The following PAPPA2 variants were observed in gnomAD, a reference collection of about 807,000 sequenced individuals.
PAPPA2 encodes pappalysin 2.
In PAPPA2, 86 loss-of-function variants were observed where a neutral mutation model predicts 176.4. The observed-to-expected ratio is 0.49, with a 90% confidence interval of 0.41 to 0.58. The LOEUF (loss-of-function observed/expected upper bound fraction) is 0.58. PAPPA2 is among the 20% of genes least tolerant of loss of function. The pLI is 0.00. For synonymous variants in PAPPA2, 809 were observed against 852.2 expected (o/e 0.95, Z 0.88); for missense variants, 2,073 against 2,256.9 (o/e 0.92, Z 1.65).
chr1:176,566,873 G>T (rs1372346753), intron 2 of PAPPA2, among the ~76,000 whole-genome samples: 1 of 152,058 alleles, frequency 6.6e-6, no homozygotes, highest in African/African-American at 2.4e-5. Flanking sequence ...CACTTTATTT[G>T]GTGTTTACTA....
chr1:176,548,753 A>C (rs1650773435), intron 1 of PAPPA2, among the ~76,000 whole-genome samples: 1 of 152,196 alleles, frequency 6.6e-6, no homozygotes, highest in Non-Finnish European at 1.5e-5. Context: ...TAATAGATTT[A>C]CATTGATGCT....
At chr1:176,633,311 A>G (rs1656463092) in intron 3 of PAPPA2, among the ~76,000 whole-genome samples, 1 of 152,314 alleles carries the variant, frequency 6.6e-6, no homozygotes, top group Non-Finnish European at 1.5e-5. Flanking sequence ...CTGAAGGATG[A>G]GGAGGTTAAG....
intron 20 of PAPPA2, among the ~76,000 whole-genome samples, chr1:176,796,447 C>T (rs1027269504): frequency 2.6e-5 from 4 of 152,154 alleles, no homozygotes; most frequent in African/African-American, 9.7e-5. Flanking sequence ...AATAACTACT[C>T]CCATTAAAAA....
At chr1:176,584,414 G>C (rs924176932) in intron 2 of PAPPA2, among the ~76,000 whole-genome samples, 1 of 148,058 alleles carries the variant, frequency 6.8e-6, no homozygotes, top group Non-Finnish European at 1.5e-5. Flanking sequence ...TTTTTTTTTA[G>C]TTTTTGACTT....
chr1:176,518,452 T>TAAA (rs368157026), intron 1 of PAPPA2, among the ~76,000 whole-genome samples: 1 of 121,740 alleles, frequency 8.2e-6, no homozygotes, highest in Admixed American at 8.7e-5. Context: ...GCTTGACAGG[T>TAAA]AAAAAAAAAA....
intron 6 of PAPPA2, among the ~76,000 whole-genome samples, chr1:176,695,438 T>C (rs1660329383): frequency 6.6e-6 from 1 of 152,200 alleles, no homozygotes; most frequent in Non-Finnish European, 1.5e-5. Flanking sequence ...CAGATTTTAA[T>C]TGTTTGTTGT....
At chr1:176,494,770 C>T (rs761080) in intron 1 of PAPPA2, among the ~76,000 whole-genome samples, 93,904 of 152,084 alleles carry the variant, frequency 0.62, 31,071 homozygotes, top group East Asian at 0.95. Context: ...ACCCAAAACA[C>T]AAATTAGAAG....
chr1:176,757,222 A>C (rs183509656), intron 14 of PAPPA2, among the ~76,000 whole-genome samples: 164 of 152,304 alleles, frequency 1.1e-3, no homozygotes, highest in Non-Finnish European at 1.0e-4. Flanking sequence ...GTATATACTC[A>C]GTAGTGGGAT....
intron 17 of PAPPA2, among the ~76,000 whole-genome samples, chr1:176,779,503 CACACACACACACACACAG>C (rs1664614355): frequency 6.7e-6 from 1 of 148,946 alleles, no homozygotes; most frequent in Non-Finnish European, 1.5e-5. Context: ...CACACACACA[CACACACACACACACACAG>C]AGAGAGAGAG....
intron 19 of PAPPA2, among the ~76,000 whole-genome samples, chr1:176,792,050 C>T (rs1665200190): frequency 1.3e-5 from 2 of 152,196 alleles, no homozygotes; most frequent in South Asian, 2.1e-4. Context: ...CTCCATTCTA[C>T]TTCATTCTCT....
intron 17 of PAPPA2, among the ~76,000 whole-genome samples, chr1:176,778,329 A>T (rs1385649641): frequency 6.6e-6 from 1 of 152,170 alleles, no homozygotes; most frequent in Non-Finnish European, 1.5e-5. Context: ...AAACAAAATA[A>T]TCAGCAAGAT....
At chr1:176,566,800 G>A (rs1419414600) in intron 2 of PAPPA2, among the ~76,000 whole-genome samples, 8 of 152,102 alleles carry the variant, frequency 5.3e-5, no homozygotes, top group Admixed American at 5.2e-4. Flanking sequence ...CTCAGAATGT[G>A]TGTGCCAGGA....
At chr1:176,472,692 T>G (rs2102467205) in intron 1 of PAPPA2, among the ~76,000 whole-genome samples, 1 of 152,302 alleles carries the variant, frequency 6.6e-6, no homozygotes, top group South Asian at 2.1e-4. Context: ...TATGAGCTCA[T>G]TTTGAAACTT....
At chr1:176,487,332 C>A (rs763641678) in intron 1 of PAPPA2, among the ~76,000 whole-genome samples, 1 of 152,158 alleles carries the variant, frequency 6.6e-6, no homozygotes, top group Non-Finnish European at 1.5e-5. Flanking sequence ...GCTTCCAAAT[C>A]TCCACATCTT....
At chr1:176,573,870 C>T (rs963703985) in intron 2 of PAPPA2, among the ~76,000 whole-genome samples, 1 of 151,930 alleles carries the variant, frequency 6.6e-6, no homozygotes, top group Non-Finnish European at 1.5e-5. Flanking sequence ...GTGGGCAGAG[C>T]TGTGCTAGGT....
intron 12 of PAPPA2, among the ~76,000 whole-genome samples, chr1:176,736,889 A>G (rs1662442806): frequency 6.6e-6 from 1 of 151,912 alleles, no homozygotes. Context: ...TTTCCATGGA[A>G]GCAGATCTTG....
intron 3 of PAPPA2, among the ~76,000 whole-genome samples, chr1:176,623,285 T>G (rs1655695888): frequency 6.6e-6 from 1 of 152,176 alleles, no homozygotes; most frequent in Non-Finnish European, 1.5e-5. Flanking sequence ...CTGAACGAAG[T>G]CTTTTTGGTC....
At chr1:176,476,290 A>G (rs1030942753) in intron 1 of PAPPA2, among the ~76,000 whole-genome samples, 6 of 152,214 alleles carry the variant, frequency 3.9e-5, no homozygotes, top group African/African-American at 1.4e-4. Flanking sequence ...TGCGTGTTCC[A>G]GGAGAACAGA....
intron 14 of PAPPA2, among the ~76,000 whole-genome samples, chr1:176,741,175 C>T (rs1662663890): frequency 6.6e-6 from 1 of 152,150 alleles, no homozygotes; most frequent in South Asian, 2.1e-4. Context: ...AATCTGGATA[C>T]AGCTTCGCCA....
Sources: allele counts gnomAD v4.1 joint callset (sites outside exome capture counted in the v4.1 genomes callset), GRCh38; gene constraint gnomAD v4.1.1; transcripts MANE v1.5; gene names NCBI Gene and HGNC (gene_info 2026-07-23, HGNC 2026-07-21).